The following AJAP1 variants were observed in gnomAD, a reference collection of about 807,000 sequenced individuals.
AJAP1 encodes adherens junction-associated protein 1.
In AJAP1, 5 loss-of-function variants were observed where a neutral mutation model predicts 35.0. The ratio of observed to expected loss-of-function variants is 0.14; its 90% confidence interval spans 0.07 to 0.30. The LOEUF (loss-of-function observed/expected upper bound fraction) is 0.30. Ranked by LOEUF, AJAP1 falls within the 10% of genes least tolerant of loss-of-function variation. AJAP1 has a pLI of 1.00. For missense variants in AJAP1, 586 were observed against 571.0 expected (o/e 1.03, Z -0.27); for synonymous variants, 284 against 249.3 (o/e 1.14, Z -1.31).
intron 1 of AJAP1, among the ~76,000 whole-genome samples, chr1:4,703,492 T>C (rs16839496): frequency 6.6e-6 from 1 of 152,068 alleles, no homozygotes; most frequent in South Asian, 2.1e-4. Context: ...GGAGACACTT[T>C]CCCTTTCTCT....
chr1:4,716,718 A>G (rs1327471343), intron 2 of AJAP1, among the ~76,000 whole-genome samples: 1 of 151,852 alleles, frequency 6.6e-6, no homozygotes, highest in East Asian at 1.9e-4. Flanking sequence ...AGAGATGATG[A>G]TGATGGTGAT....
At chr1:4,763,745 C>A (rs1032104925) in intron 2 of AJAP1, among the ~76,000 whole-genome samples, 1 of 151,148 alleles carries the variant, frequency 6.6e-6, no homozygotes, top group Non-Finnish European at 1.5e-5. Flanking sequence ...TCTCTACGCC[C>A]TTTCTCCCTC....
rs759413505 is a variant in AJAP1, at chr1:4,712,015, G to C, written c.145G>C (p.Glu49Gln). ...CTGTGAGGCCCTGGGCCCGGGGCCGGAGTTCTGGCTCCTGCCGCGGTCGCC... is the reference window on the plus strand; with the variant it reads ...CTGTGAGGCCCTGGGCCCGGGGCCGCAGTTCTGGCTCCTGCCGCGGTCGCC... ...PACEALGPGP[E>Q]FWLLPRSPPR... The change falls in exon 2 of 6, where the codon GAG (glutamate) becomes CAG (glutamine). Residue 49 changes from glutamate to glutamine, a missense_variant. By Grantham distance (29) the Glu-to-Gln change is conservative. Transcript: ENST00000378191. The C allele has an allele frequency of 1.3e-6, 2 of 1,596,084 alleles. No individual in the cohort carries two copies. The highest frequency in any genetic ancestry group is 1.4e-5 in the African/African-American group (1 of 72,700).
At position 4,712,117 on chromosome 1, in the gene AJAP1, C is replaced by A. The variant is rs1407721171; in HGVS notation, c.247C>A (p.Pro83Thr). 5.2e-6 allele frequency: 8 copies of A among 1,540,874 alleles called. No homozygotes were observed. Among genetic ancestry groups the A allele is most frequent in the Middle Eastern group, 3.5e-4 (2 of 5,794 alleles). ...RVPAPVWSPR[P>T]PRVERIHGQM... is the part of the protein sequence containing the mutation. ...CCCGGCCCCGGTGTGGAGCCCCCGGCCGCCCCGAGTGGAGCGGATCCACGG... is the reference window on the plus strand; with the variant it reads ...CCCGGCCCCGGTGTGGAGCCCCCGGACGCCCCGAGTGGAGCGGATCCACGG... Residue 83 changes from proline to threonine, a missense_variant, in exon 2 of 6, where the codon CCG becomes ACG. Transcript: ENST00000378191.
rs747341011 is a variant in AJAP1 at position 4,712,558 on chromosome 1, A to G, written c.688A>G (p.Thr230Ala). ...CACCACCACCACGGCCACCCCCATG[A>G]CGCTGCAGACTAAGGGGTTCACCGA... ...TTTTTTATPM[T>A]LQTKGFTESL... The change falls in exon 2 of 6, where the codon ACG becomes GCG. Residue 230 changes from threonine to alanine, a missense_variant. Coordinates refer to ENST00000378191, the MANE Select transcript of AJAP1 (RefSeq NM_018836.4). 9 of 1,612,386 alleles carry G rather than the reference A, an allele frequency of 5.6e-6. No individual in the cohort carries two copies. In the Admixed American group the frequency reaches 1.5e-4, roughly 27 times the overall value.
chr1:4,670,789 C>A (rs1234707115), intron 1 of AJAP1, among the ~76,000 whole-genome samples: 1 of 152,234 alleles, frequency 6.6e-6, no homozygotes, highest in African/African-American at 2.4e-5. Context: ...AACTGCAACA[C>A]AGTTTTCCAG....
At chr1:4,758,699 C>A (rs1023387345) in intron 2 of AJAP1, among the ~76,000 whole-genome samples, 1 of 152,178 alleles carries the variant, frequency 6.6e-6, no homozygotes, top group African/African-American at 2.4e-5. Context: ...ACCTAACCAT[C>A]TCAGGAGGTC....
At chr1:4,725,306 T>C (rs1244593041) in intron 2 of AJAP1, among the ~76,000 whole-genome samples, 1 of 152,140 alleles carries the variant, frequency 6.6e-6, no homozygotes, top group African/African-American at 2.4e-5. Flanking sequence ...ACTTCCCGTG[T>C]GTGGGGAAGG....
At chr1:4,754,760 G>A (rs957565951) in intron 2 of AJAP1, among the ~76,000 whole-genome samples, 3 of 152,188 alleles carry the variant, frequency 2.0e-5, no homozygotes, top group African/African-American at 7.2e-5. Context: ...GGACCCCAGC[G>A]CAAAGCAAGG....
At chr1:4,681,738 A>G (rs1307905636) in intron 1 of AJAP1, among the ~76,000 whole-genome samples, 2 of 152,116 alleles carry the variant, frequency 1.3e-5, no homozygotes, top group African/African-American at 4.8e-5. Flanking sequence ...CTCTGCTCTA[A>G]AGGAGAGGCA....
chr1:4,721,616 G>T (rs1557625569), intron 2 of AJAP1, among the ~76,000 whole-genome samples: 1 of 152,200 alleles, frequency 6.6e-6, no homozygotes, highest in Admixed American at 6.5e-5. Flanking sequence ...TCCCACCTCT[G>T]CAAGGAGAAA....
At position 4,710,664 on chromosome 1, in the gene AJAP1, C is replaced by T. The variant is rs188857396; in HGVS notation, c.30-1236C>T. ...CCTGAACACCCTCGCGCCCCCCACC[C>T]GCTTCAGTCATTACAGTTTTGGGAT... On this transcript the variant is annotated intron_variant, in intron 1 of 5. Transcript: ENST00000378191. Among the ~76,000 whole-genome samples, 118 of 152,392 alleles carry T rather than the reference C, an allele frequency of 7.7e-4. 1 individual carries two copies. The highest frequency in any genetic ancestry group is 2.6e-3 in the African/African-American group (108 of 41,596).
At chr1:4,727,214 C>A (rs139408985) in intron 2 of AJAP1, among the ~76,000 whole-genome samples, 209 of 152,294 alleles carry the variant, frequency 1.4e-3, no homozygotes, top group African/African-American at 4.9e-3. Context: ...TGCAGCCCAG[C>A]GGGCAGCAGG....
At chr1:4,725,817 C>A (rs1471386951) in intron 2 of AJAP1, among the ~76,000 whole-genome samples, 1 of 152,172 alleles carries the variant, frequency 6.6e-6, no homozygotes, top group Non-Finnish European at 1.5e-5. Flanking sequence ...CATGGTTGTC[C>A]CTCTGTGTGT....
chr1:4,726,798 C>T (rs189501419), intron 2 of AJAP1, among the ~76,000 whole-genome samples: 478 of 152,212 alleles, frequency 3.1e-3, no homozygotes, highest in African/African-American at 0.011. Flanking sequence ...ATTGCACGGC[C>T]GGCTGCTGAG....
intron 2 of AJAP1, among the ~76,000 whole-genome samples, chr1:4,739,148 CAT>C (rs1640998832): frequency 6.6e-6 from 1 of 152,224 alleles, no homozygotes; most frequent in Non-Finnish European, 1.5e-5. Context: ...CACTCAAACA[CAT>C]GTGGGAGAGT....
intron 5 of AJAP1, among the ~76,000 whole-genome samples, chr1:4,778,589 C>CTT (rs1641984401): frequency 8.9e-6 from 1 of 112,956 alleles, no homozygotes; most frequent in African/African-American, 3.1e-5. Context: ...CTCTCTCTCT[C>CTT]TCTCTCTCTC....
chr1:4,684,768 C>T (rs1639568470), intron 1 of AJAP1, among the ~76,000 whole-genome samples: 1 of 152,106 alleles, frequency 6.6e-6, no homozygotes, highest in South Asian at 2.1e-4. Context: ...GATCTAAAGC[C>T]CCCATCTCCA....
chr1:4,703,779 A>G (rs891490828), intron 1 of AJAP1, among the ~76,000 whole-genome samples: 1 of 152,176 alleles, frequency 6.6e-6, no homozygotes, highest in East Asian at 1.9e-4. Context: ...CCCTGAGCCC[A>G]CGCCCTTTGA....
Sources: allele counts gnomAD v4.1 joint callset (sites outside exome capture counted in the v4.1 genomes callset), GRCh38; gene constraint gnomAD v4.1.1; transcripts MANE v1.5; gene names NCBI Gene and HGNC (gene_info 2026-07-23, HGNC 2026-07-21).